Variants in MARCHF11 observed in about 807,000 individuals in gnomAD.
MARCHF11 encodes membrane associated ring-CH-type finger 11.
In MARCHF11, 29 loss-of-function variants were observed where a neutral mutation model predicts 37.3. That is an observed-to-expected ratio of 0.78 (90% confidence interval 0.58 to 1.06). The LOEUF (loss-of-function observed/expected upper bound fraction) is 1.06, where lower values mean the gene tolerates loss of function less well. Ranked by LOEUF, MARCHF11 falls within the 50% of genes least tolerant of loss-of-function variation. The pLI is 0.00. For synonymous variants in MARCHF11, 233 were observed against 228.0 expected, an observed-to-expected ratio of 1.02 and a Z score of -0.20; for missense variants, 482 against 533.4, an observed-to-expected ratio of 0.90 and a Z score of 0.95.
intron 2 of MARCHF11, among the ~76,000 whole-genome samples, chr5:16,120,145 C>T (rs1276968869): frequency 6.6e-6 from 1 of 152,238 alleles, no homozygotes; most frequent in Non-Finnish European, 1.5e-5. Context: ...TAAAGCTTCA[C>T]AGAAGCATTT....
chr5:16,118,166 C>CG (rs1014148107), intron 2 of MARCHF11, among the ~76,000 whole-genome samples: 1 of 152,080 alleles, frequency 6.6e-6, no homozygotes, highest in African/African-American at 2.4e-5. Flanking sequence ...ATGGGACGCG[C>CG]GGGGGGAAAG....
At chr5:16,173,350 G>A (rs1016544394) in intron 2 of MARCHF11, among the ~76,000 whole-genome samples, 1 of 152,116 alleles carries the variant, frequency 6.6e-6, no homozygotes, top group Non-Finnish European at 1.5e-5. Context: ...CACCTGACAG[G>A]GGCTGTTCTA....
At chr5:16,140,208 G>GA (rs1560986846) in intron 2 of MARCHF11, among the ~76,000 whole-genome samples, 1 of 151,096 alleles carries the variant, frequency 6.6e-6, no homozygotes, top group Non-Finnish European at 1.5e-5. Flanking sequence ...TAGTAAATAA[G>GA]AAAAAAATGC....
In MARCHF11 at chr5:16,090,965, A is replaced by G. The variant is rs1736781758; in HGVS notation, c.810T>C (p.Tyr270=). 1.2e-6 allele frequency: 2 copies of G among 1,612,300 alleles called. No individual in the cohort carries two copies. Among genetic ancestry groups the G allele is most frequent in the Non-Finnish European group, 1.7e-6 (2 of 1,179,604 alleles). Residue 270 remains tyrosine (Y), a synonymous_variant, in exon 3 of 4, where the codon TAT becomes TAC. Transcript: ENST00000332432. ...GGATGTCCTTCCTCTGCCACACTGCATAGGGGCTGAAGGCTGACCAGAGGA... is the reference window on the plus strand; with the variant it reads ...GGATGTCCTTCCTCTGCCACACTGCGTAGGGGCTGAAGGCTGACCAGAGGA... ...TWLLWSAFSP[Y]AVWQRKDILF... is the part of the protein sequence containing the mutation.
At chr5:16,121,148 G>A (rs1008303228) in intron 2 of MARCHF11, among the ~76,000 whole-genome samples, 1 of 152,174 alleles carries the variant, frequency 6.6e-6, no homozygotes, top group South Asian at 2.1e-4. Flanking sequence ...CAGCCAACAT[G>A]TATCACTCCC....
rs79484199 is a variant in MARCHF11, at chr5:16,167,612, C to A, written c.693+10114G>T. ...CCCAGAAACACTTTCACAGACATACCCAGAATATTGTCTGACCAAATACCT... is the reference window on the plus strand; with the variant it reads ...CCCAGAAACACTTTCACAGACATACACAGAATATTGTCTGACCAAATACCT... On this transcript the variant is annotated intron_variant, in intron 2 of 3. Coordinates refer to ENST00000332432, the MANE Select transcript of MARCHF11 (RefSeq NM_001102562.3). Among the ~76,000 whole-genome samples the A allele has an allele frequency of 5.1e-3, 770 of 152,130 alleles. 3 individuals carry two copies. Among genetic ancestry groups the A allele is most frequent in the African/African-American group, 0.015 (610 of 41,526 alleles).
rs972063308 is a variant in MARCHF11 at position 16,092,656 on chromosome 5, C to T, written c.694-1575G>A. 7.2e-5 allele frequency among the ~76,000 whole-genome samples: 11 copies of T among 152,186 alleles called. 2 individuals are homozygous for T. Among genetic ancestry groups the T allele is most frequent in the Non-Finnish European group, 2.9e-5 (2 of 68,026 alleles). On this transcript the variant is annotated intron_variant, in intron 2 of 3. Coordinates refer to ENST00000332432, the MANE Select transcript of MARCHF11 (RefSeq NM_001102562.3). ...CCTGAGGGGCTTAAAACCTGGATAA[C>T]GGGTTGATGGGTGCAGCAAACCACC... is the stretch of plus-strand genomic sequence containing the variant.
intron 2 of MARCHF11, among the ~76,000 whole-genome samples, chr5:16,135,993 GA>G (rs1737607803): frequency 6.6e-6 from 1 of 151,998 alleles, no homozygotes; most frequent in African/African-American, 2.4e-5. Flanking sequence ...TCTTCAACAG[GA>G]ATAAAGGCAT....
chr5:16,164,820 C>A (rs1357759785), intron 2 of MARCHF11, among the ~76,000 whole-genome samples: 2 of 152,052 alleles, frequency 1.3e-5, no homozygotes, highest in Non-Finnish European at 2.9e-5. Context: ...CCTAGCACAG[C>A]CACCATTTTG....
intron 2 of MARCHF11, among the ~76,000 whole-genome samples, chr5:16,155,741 C>T (rs1257715480): frequency 6.6e-6 from 1 of 151,906 alleles, no homozygotes; most frequent in Non-Finnish European, 1.5e-5. Context: ...GTCAGGCATT[C>T]CTACTAAGCA....
chr5:16,090,925 A>T lies in MARCHF11; in HGVS notation c.850T>A (p.Tyr284Asn). ...QRKDILFQIC[Y>N]GMYGFMDLVC... is the part of the protein sequence containing the mutation. ...AGATCCATAAAACCATACATTCCAT[A>T]GCAGATCTGAAAAAGGATGTCCTTC... Residue 284 changes from tyrosine to asparagine, a missense_variant, in exon 3 of 4, where the codon TAT becomes AAT. Coordinates refer to ENST00000332432, the MANE Select transcript of MARCHF11 (RefSeq NM_001102562.3). 1.2e-6 allele frequency: 2 copies of T among 1,610,838 alleles called. No homozygotes were observed. The highest frequency in any genetic ancestry group is 1.7e-6 in the Non-Finnish European group (2 of 1,179,214).
chr5:16,137,625 A>G (rs562255401), intron 2 of MARCHF11, among the ~76,000 whole-genome samples: 2 of 152,318 alleles, frequency 1.3e-5, no homozygotes, highest in South Asian at 2.1e-4. Context: ...AGAGGTTGGA[A>G]TGGTTTGGAG....
intron 2 of MARCHF11, among the ~76,000 whole-genome samples, chr5:16,151,581 G>A (rs1374620404): frequency 7.9e-6 from 1 of 127,090 alleles, no homozygotes; most frequent in Non-Finnish European, 1.6e-5. Context: ...ACAAAAACCT[G>A]ACAGCTTATA....
intron 3 of MARCHF11, among the ~76,000 whole-genome samples, chr5:16,078,798 A>C (rs1284750869): frequency 1.3e-5 from 2 of 152,062 alleles, no homozygotes; most frequent in African/African-American, 4.8e-5. Flanking sequence ...TTCTCTTCCA[A>C]GGAAAGCCTC....
intron 2 of MARCHF11, among the ~76,000 whole-genome samples, chr5:16,134,998 T>TCA (rs1553996992): frequency 4.4e-4 from 63 of 143,798 alleles, no homozygotes; most frequent in Middle Eastern, 3.6e-3. Context: ...TCTCTCTCTC[T>TCA]CACACACACA....
chr5:16,157,678 A>T (rs1248987393), intron 2 of MARCHF11, among the ~76,000 whole-genome samples: 1 of 151,942 alleles, frequency 6.6e-6, no homozygotes, highest in African/African-American at 2.4e-5. Context: ...TGCATACAAA[A>T]ATCAACTCAA....
At chr5:16,113,877 CTT>C in intron 2 of MARCHF11, among the ~76,000 whole-genome samples, 1 of 152,194 alleles carries the variant, frequency 6.6e-6, no homozygotes, top group East Asian at 1.9e-4. Context: ...GATCTTATTT[CTT>C]CTATCTAACT....
chr5:16,098,587 G>A (rs945577242), intron 2 of MARCHF11, among the ~76,000 whole-genome samples: 3 of 151,990 alleles, frequency 2.0e-5, no homozygotes, highest in African/African-American at 4.8e-5. Flanking sequence ...GGCCAACATG[G>A]TGAAACCCTG....
chr5:16,152,086 A>G (rs1027719822), intron 2 of MARCHF11, among the ~76,000 whole-genome samples: 1 of 152,118 alleles, frequency 6.6e-6, no homozygotes, highest in Non-Finnish European at 1.5e-5. Flanking sequence ...CTCACTCATT[A>G]AGAACGAAAA....
Sources: gnomAD v4.1 joint callset for allele counts (sites outside exome capture counted in the v4.1 genomes callset) on GRCh38, gnomAD v4.1.1 for gene constraint, MANE v1.5 for transcripts, NCBI Gene and HGNC (gene_info 2026-07-23, HGNC 2026-07-21) for gene names.